Variants in MYH9 observed in about 807,000 individuals in gnomAD.
MYH9 encodes the protein myosin-9.
In MYH9, 29 loss-of-function variants were observed where a neutral mutation model predicts 241.9. That is an observed-to-expected ratio of 0.12 (90% CI 0.09 to 0.16). MYH9 has a LOEUF of 0.16. Among genes scored for constraint, MYH9 ranks in the 10% least tolerant of loss-of-function variants. MYH9 has a pLI of 1.00. For synonymous variants in MYH9, 1,047 were observed against 1,062.6 expected, an observed-to-expected ratio of 0.99 and a Z score of 0.29; for missense variants, 1,803 against 2,595.5, an observed-to-expected ratio of 0.69 and a Z score of 6.63.
At chr22:36,334,516 C>T (rs926033423) in intron 3 of MYH9, among the ~76,000 whole-genome samples, 4 of 152,230 alleles carry the variant, frequency 2.6e-5, no homozygotes, top group East Asian at 1.9e-4. Flanking sequence ...TCTGCTATCG[C>T]GTTCCAGTGT....
chr22:36,288,263 G>A lies in MYH9; in HGVS notation c.4921C>T (p.Arg1641Trp), dbSNP rs2016622737. ...KNRDEAIKQL[R>W]KLQAQMKDCM... is the part of the protein sequence containing the mutation. ...CCGCCCACCCTTACCTGCAGCTTCCGCAGCTGTTTGATGGCTTCGTCCCGG... is the reference window on the plus strand; with the variant it reads ...CCGCCCACCCTTACCTGCAGCTTCCACAGCTGTTTGATGGCTTCGTCCCGG... The change falls in exon 34 of 41, where the codon CGG becomes TGG. Residue 1641 changes from arginine (R) to tryptophan (W), a missense_variant. Transcript: ENST00000216181. The surrounding 1 kb of genome is among the most constrained non-coding windows in gnomAD (Gnocchi z 4.8). The A allele has an allele frequency of 1.2e-6, 2 of 1,613,724 alleles. No individual in the cohort carries two copies. The highest frequency in any genetic ancestry group is 1.3e-5 in the African/African-American group (1 of 74,902).
chr22:36,284,934 T>C (rs999197998), intron 38 of MYH9, among the ~76,000 whole-genome samples, 187 bp downstream of exon 38: 1 of 152,138 alleles, frequency 6.6e-6, no homozygotes, highest in Non-Finnish European at 1.5e-5. Flanking sequence ...GAGAATCCTG[T>C]TCAAACCCCA....
chr22:36,364,404 A>C (rs565296993), intron 1 of MYH9, among the ~76,000 whole-genome samples: 2 of 152,288 alleles, frequency 1.3e-5, no homozygotes, highest in South Asian at 4.1e-4. Context: ...TCCAGGGACC[A>C]ACTCCAGTCA....
At chr22:36,346,483 G>A (rs934218514) in intron 2 of MYH9, among the ~76,000 whole-genome samples, 1 of 152,200 alleles carries the variant, frequency 6.6e-6, no homozygotes, top group Non-Finnish European at 1.5e-5. Context: ...CAGAGCTGCT[G>A]TCTCTGTAAC....
At chr22:36,342,911 C>T (rs1166454035) in intron 2 of MYH9, among the ~76,000 whole-genome samples, 3 of 152,228 alleles carry the variant, frequency 2.0e-5, no homozygotes, top group South Asian at 2.1e-4. Context: ...TCCTTGGTCA[C>T]GGAGGCCAGT....
chr22:36,352,186 A>C (rs1033877964), intron 1 of MYH9, among the ~76,000 whole-genome samples: 2 of 152,166 alleles, frequency 1.3e-5, no homozygotes, highest in Admixed American at 1.3e-4. Context: ...TGTCCCCACG[A>C]GCTGAGTGTG....
intron 3 of MYH9, among the ~76,000 whole-genome samples, chr22:36,335,174 G>GA (rs2017479453): frequency 6.6e-6 from 1 of 152,150 alleles, no homozygotes; most frequent in Non-Finnish European, 1.5e-5. Context: ...CTCTGAGCAC[G>GA]AAACAGTCAC....
At chr22:36,296,764 G>A in intron 25 of MYH9, 79 bp downstream of exon 25, 1 of 1,450,356 alleles carries the variant, frequency 6.9e-7, no homozygotes, top group Non-Finnish European at 9.2e-7. Flanking sequence ...GCTCACTAGT[G>A]CCGAGAACTA....
At chr22:36,307,757 G>A (rs554365642) in intron 15 of MYH9, among the ~76,000 whole-genome samples, 6 of 152,068 alleles carry the variant, frequency 3.9e-5, no homozygotes, top group East Asian at 1.9e-4. Flanking sequence ...GCGTGGTGGC[G>A]GGTGCCTGTA....
intron 1 of MYH9, among the ~76,000 whole-genome samples, chr22:36,360,696 G>C (rs1044635943): frequency 2.0e-5 from 3 of 149,708 alleles, no homozygotes; most frequent in African/African-American, 4.9e-5. Flanking sequence ...CTGGGCAACA[G>C]TGTGAGACTC....
rs2016556557 is a variant in MYH9, at chr22:36,285,098, T to C, written c.5483+23A>G. 1 of 1,611,252 alleles carries C rather than the reference T, an allele frequency of 6.2e-7. No individual in the cohort carries two copies. The highest frequency in any genetic ancestry group is 1.3e-5 in the African/African-American group (1 of 74,824). On this transcript the variant is annotated intron_variant, in intron 38 of 40. Transcript: ENST00000216181. The surrounding 1 kb of genome is among the most constrained non-coding windows in gnomAD (Gnocchi z 7.0). ...GAGTTTTTTCCAGGACAGCTGGGGT[T>C]GGGCGGGGCCAGGGGCACGTACTTG...
chr22:36,341,212 C>T (rs2146384392), intron 3 of MYH9, among the ~76,000 whole-genome samples, 158 bp downstream of exon 3: 1 of 152,336 alleles, frequency 6.6e-6, no homozygotes. Flanking sequence ...GCCACTGGCC[C>T]TGGCTTTCAT....
chr22:36,294,968 C>A lies in MYH9; in HGVS notation c.3594G>T (p.Val1198=). The change falls in exon 27 of 41, where the codon GTG becomes GTT. Residue 1198 remains valine, a synonymous_variant. Coordinates refer to ENST00000216181, the MANE Select transcript of MYH9 (RefSeq NM_002473.6). ...QEMRQKHSQA[V]EELAEQLEQT... Reference sequence around the variant, plus strand: ...GCTCCAGCTGCTCCGCCAGCTCCTCCACGGCCTGTGAGTGCTTCTGCCTCA... The same window carrying A: ...GCTCCAGCTGCTCCGCCAGCTCCTCAACGGCCTGTGAGTGCTTCTGCCTCA... 6.2e-7 allele frequency: 1 copy of A among 1,614,166 alleles called. No homozygotes were observed. The highest frequency in any genetic ancestry group is 8.5e-7 in the Non-Finnish European group (1 of 1,180,046).
chr22:36,333,917 G>A (rs938426581), intron 3 of MYH9, among the ~76,000 whole-genome samples: 12 of 152,150 alleles, frequency 7.9e-5, no homozygotes, highest in African/African-American at 2.9e-4. Context: ...GGGATTTGAT[G>A]TGAGTTTTTG....
chr22:36,365,082 G>A (rs2017991097), intron 1 of MYH9: 2 of 149,674 alleles, frequency 1.3e-5, no homozygotes, highest in Admixed American at 6.8e-5. Flanking sequence ...TCCCAGAGCT[G>A]GGCTCGGGGC....
chr22:36,286,933 A>C, intron 34 of MYH9, 87 bp from the exon 35 acceptor site: 29 of 1,577,008 alleles, frequency 1.8e-5, no homozygotes, highest in African/African-American at 4.0e-5. Context: ...AACAGGGCTC[A>C]TGGCTGGTGC....
intron 10 of MYH9, among the ~76,000 whole-genome samples, chr22:36,318,766 T>TC (rs2017201442): frequency 1.3e-5 from 2 of 151,186 alleles, no homozygotes. Flanking sequence ...CACAGGAATG[T>TC]CTTTTTTTTT....
chr22:36,295,586 C>T lies in MYH9; in HGVS notation c.3404G>A (p.Arg1135Gln), dbSNP rs2016775839. 12 of 1,613,918 alleles carry T rather than the reference C, an allele frequency of 7.4e-6. No homozygotes were observed. The highest frequency in any genetic ancestry group is 9.3e-6 in the Non-Finnish European group (11 of 1,180,032). The part of the protein sequence containing the change: ...ASRNKAEKQK[R>Q]DLGEELEALK... ...AGCCTCTAGCTCTTCCCCAAGGTCC[C>T]GTTTCTGCTTCTCAGCTTTATTCCT... Residue 1135 changes from arginine to glutamine, a missense_variant, in exon 26 of 41, where the codon CGG becomes CAG. By Grantham distance (43) the Arg-to-Gln change is conservative. Transcript: ENST00000216181. The surrounding 1 kb of genome is among the most constrained non-coding windows in gnomAD (Gnocchi z 4.1).
rs574918287 is a variant in MYH9, at chr22:36,329,113, C to T, written c.491-1625G>A. On this transcript the variant is annotated intron_variant, in intron 3 of 40. Transcript: ENST00000216181. This position sits in a 1 kb window ranked among gnomAD's most constrained non-coding sequence, Gnocchi z 4.1. ...AATGGCAGCTGCCCCTGCCCTGGGC[C>T]GCAGCTTCCTCCCAGCCCCCTAAGC... 1.3e-5 allele frequency among the ~76,000 whole-genome samples: 2 copies of T among 152,322 alleles called. No individual in the cohort carries two copies. The highest frequency in any genetic ancestry group is 1.9e-4 in the East Asian group (1 of 5,180).
Sources: allele counts gnomAD v4.1 joint callset (sites outside exome capture counted in the v4.1 genomes callset), GRCh38; gene constraint gnomAD v4.1.1; non-coding constraint Gnocchi (gnomAD v3.1); transcripts MANE v1.5; gene names NCBI Gene and HGNC (gene_info 2026-07-23, HGNC 2026-07-21).